TOP3A: variants seen among roughly 807,000 people sequenced by gnomAD.
TOP3A encodes DNA topoisomerase III alpha.
TOP3A carries 64 observed loss-of-function variants against 111.3 expected under a neutral mutation model. The ratio of observed to expected loss-of-function variants is 0.57; its 90% confidence interval spans 0.47 to 0.71. TOP3A has a LOEUF of 0.71. Among genes scored for constraint, TOP3A ranks in the 30% least tolerant of loss-of-function variants. The pLI, the probability that TOP3A is intolerant of heterozygous loss-of-function variation, is 0.00. For missense variants in TOP3A, 1,104 were observed against 1,285.0 expected, an observed-to-expected ratio of 0.86 and a Z score of 2.15; for synonymous variants, 484 against 485.1, an observed-to-expected ratio of 1.00 and a Z score of 0.03.
chr17:18,304,970 C>A, intron 5 of TOP3A, 142 bp downstream of exon 5: 1 of 721,976 alleles, frequency 1.4e-6, no homozygotes, highest in South Asian at 1.5e-5. Context: ...TGCTCCAGGA[C>A]ACATGGCTGG....
rs144604278 is a variant in TOP3A at position 18,291,084 on chromosome 17, G to C, written c.1282-57C>G. ...CTAGAATATCACCTCTCAAGGACAG[G>C]AGCATCACTGGTAGCCTTAGCCTAA... is the stretch of plus-strand genomic sequence containing the variant. On this transcript the variant is annotated intron_variant, in intron 11 of 18. Transcript: ENST00000321105. 234 of 1,554,960 alleles carry C rather than the reference G, an allele frequency of 1.5e-4. No homozygotes were observed. In the East Asian group the frequency reaches 5.2e-3, roughly 35 times the overall value.
At chr17:18,287,673 C>CA (rs1168415155) in intron 13 of TOP3A, among the ~76,000 whole-genome samples, 1 of 151,996 alleles carries the variant, frequency 6.6e-6, no homozygotes, top group Non-Finnish European at 1.5e-5. Flanking sequence ...GCCTGGGTGA[C>CA]AGAGTAAGAT....
At chr17:18,305,518 A>C (rs1981524646) in intron 4 of TOP3A, among the ~76,000 whole-genome samples, 1 of 151,846 alleles carries the variant, frequency 6.6e-6, no homozygotes. Flanking sequence ...GCACACTTCG[A>C]GAGGTTCTGA....
At chr17:18,304,009 G>A (rs1156931433) in intron 5 of TOP3A, among the ~76,000 whole-genome samples, 1 of 152,128 alleles carries the variant, frequency 6.6e-6, no homozygotes, top group East Asian at 1.9e-4. Flanking sequence ...CTGTCACCCA[G>A]GCTGGAGTGC....
intron 10 of TOP3A, among the ~76,000 whole-genome samples, chr17:18,294,164 T>C (rs1980649993): frequency 6.6e-6 from 1 of 152,142 alleles, no homozygotes; most frequent in African/African-American, 2.4e-5. Context: ...CACAGGGAGA[T>C]GGCTGAGGAG....
In TOP3A at chr17:18,278,111, C is replaced by G; in HGVS notation, c.2391G>C (p.Gln797His). Residue 797 changes from glutamine (Q) to histidine (H), a missense_variant, in exon 18 of 19, where the codon CAG (glutamine) becomes CAC (histidine). By Grantham distance (24) the Gln-to-His change is conservative. Transcript: ENST00000321105. ...CAGCAGCCGTGGGTGGTGGGAGGGTCTGGGCCAGAGCCTTTGAGGACCCAG... is the reference window on the plus strand; with the variant it reads ...CAGCAGCCGTGGGTGGTGGGAGGGTGTGGGCCAGAGCCTTTGAGGACCCAG... ...RQTGSSKALA[Q>H]TLPPPTAAGE... 2 of 1,614,214 alleles carry G rather than the reference C, an allele frequency of 1.2e-6. No individual in the cohort carries two copies. The highest frequency in any genetic ancestry group is 4.5e-5 in the East Asian group (2 of 44,882).
intron 1 of TOP3A, 61 bp from the exon 2 acceptor site, chr17:18,309,002 TA>T (rs1383495191): frequency 2.2e-6 from 2 of 925,564 alleles, no homozygotes; most frequent in African/African-American, 1.7e-5. Flanking sequence ...TTCCTTTGTA[TA>T]ATTCTTTCTG....
intron 1 of TOP3A, among the ~76,000 whole-genome samples, chr17:18,311,381 C>T (rs1981902125): frequency 6.6e-6 from 1 of 152,158 alleles, no homozygotes. Context: ...GCAAGCTCCA[C>T]TTCCCGGGTT....
Position 18,302,384 on chromosome 17 carries a change from C to G in TOP3A, c.694G>C (p.Glu232Gln). The G allele has an allele frequency of 1.2e-6, 2 of 1,613,336 alleles. No homozygotes were observed. The highest frequency in any genetic ancestry group is 1.7e-6 in the Non-Finnish European group (2 of 1,179,996). Residue 232 changes from glutamate (E) to glutamine (Q), a missense_variant, in exon 7 of 19, where the codon GAG becomes CAG. Glu to Gln is a conservative substitution (Grantham distance 29, BLOSUM62 2). Coordinates refer to ENST00000321105, the MANE Select transcript of TOP3A (RefSeq NM_004618.5). ...QTLRLQRIFP[E>Q]VLAEQLISYG... is the part of the protein sequence containing the mutation. ...CTGATGAGCTGCTCTGCCAGCACCT[C>G]AGGAAAAATCCTCTGAAGCCGCAGG...
chr17:18,305,485 C>A (rs866431142), intron 4 of TOP3A, among the ~76,000 whole-genome samples: 3 of 147,858 alleles, frequency 2.0e-5, no homozygotes, highest in East Asian at 2.0e-4. Flanking sequence ...AACACACACA[C>A]ACGCGCGCGC....
chr17:18,314,714 G>C lies in TOP3A; in HGVS notation c.65C>G (p.Ser22Cys). 2 of 1,603,968 alleles carry C rather than the reference G, an allele frequency of 1.2e-6. No individual in the cohort carries two copies. The highest frequency in any genetic ancestry group is 1.7e-6 in the Non-Finnish European group (2 of 1,175,644). Reference sequence around the variant, plus strand: ...GAGGGCCATCTCCATGGCGGCGCGGGAAAAGGCACGGTCTTCGGGCCGTCG... The same window carrying C: ...GAGGGCCATCTCCATGGCGGCGCGGCAAAAGGCACGGTCTTCGGGCCGTCG... ...WLRRPEDRAF[S>C]RAAMEMALRG... Residue 22 changes from serine to cysteine, a missense_variant, in exon 1 of 19, where the codon TCC (serine) becomes TGC (cysteine). Ser to Cys is a moderately radical substitution (Grantham distance 112, BLOSUM62 -1). Transcript: ENST00000321105.
chr17:18,313,793 GAA>G (rs1302081818), intron 1 of TOP3A, among the ~76,000 whole-genome samples: 2 of 152,140 alleles, frequency 1.3e-5, no homozygotes, highest in African/African-American at 4.8e-5. Flanking sequence ...CCTTGATCTG[GAA>G]ACAGGTCTTA....
chr17:18,290,375 A>T (rs575193927), intron 13 of TOP3A, among the ~76,000 whole-genome samples, 182 bp downstream of exon 13: 3 of 152,344 alleles, frequency 2.0e-5, no homozygotes, highest in African/African-American at 7.2e-5. Context: ...CCAGGTTTTA[A>T]TAATACACAC....
intron 5 of TOP3A, among the ~76,000 whole-genome samples, chr17:18,304,261 G>C (rs1981422962): frequency 6.6e-6 from 1 of 152,064 alleles, no homozygotes; most frequent in South Asian, 2.1e-4. Context: ...CACCGTGCCT[G>C]GCTGCCTTTT....
rs757264233 is a variant in TOP3A at position 18,302,337 on chromosome 17, G to A, written c.741C>T (p.Pro247=). Residue 247 remains proline, a synonymous_variant, in exon 7 of 19, where the codon CCC becomes CCT. Coordinates refer to ENST00000321105, the MANE Select transcript of TOP3A (RefSeq NM_004618.5). ...QLISYGSCQF[P]TLGFVVERFK... ...ACCGCTCCACCACAAAGCCCAGTGT[G>A]GGGAACTGGCAGCTGCCGTAACTGA... 6 of 1,613,194 alleles carry A rather than the reference G, an allele frequency of 3.7e-6. No individual in the cohort carries two copies. In the Admixed American group the frequency reaches 5.0e-5, roughly 13 times the overall value.
chr17:18,292,738 A>C lies in TOP3A; in HGVS notation c.1188T>G (p.Ile396Met), dbSNP rs1209191069. Residue 396 changes from isoleucine to methionine, a missense_variant, in exon 11 of 19, where the codon ATT becomes ATG. Ile to Met is a conservative substitution (Grantham distance 10). Transcript: ENST00000321105. ...GTGGGGTGGGACCACCCCGCTCTAG[A>C]ATGCTCTGGGCAAAGGCCCCCCAGC... The part of the protein sequence containing the change: ...DPRWGAFAQS[I>M]LERGGPTPRN... The C allele has an allele frequency of 6.2e-7, 1 of 1,613,194 alleles. No homozygotes were observed. Among genetic ancestry groups the C allele is most frequent in the Non-Finnish European group, 8.5e-7 (1 of 1,179,460 alleles).
In TOP3A at chr17:18,271,967, G is replaced by A. The variant is rs139001199; in HGVS notation, c.*2835C>T. ...TGTAATTCCAGCTACTTGGGAGGCT[G>A]AGGCAGGAGAACTGCTTGAACCCAG... On this transcript the variant is annotated 3_prime_UTR_variant, in exon 19 of 19. Transcript: ENST00000321105. The A allele has an allele frequency of 2.0e-3, 561 of 278,244 alleles. 10 individuals carry two copies. In the Admixed American group the frequency reaches 0.025, roughly 13 times the overall value. 17.2% of individuals were successfully genotyped at this position (278,244 alleles called of 1,614,324 possible).
chr17:18,289,487 TTGG>T (rs1980333259), intron 13 of TOP3A, among the ~76,000 whole-genome samples: 2 of 152,136 alleles, frequency 1.3e-5, no homozygotes, highest in Admixed American at 1.3e-4. Context: ...GTTGGTCAGG[TTGG>T]TGGTCTTAAA....
In TOP3A at chr17:18,308,956, T is replaced by C; in HGVS notation, c.181-15A>G. ...AGTCCTTCTCTCTATAAAACAAAAA[T>C]AAGTAAAAAATATAAATTACGTTTA... is the stretch of plus-strand genomic sequence containing the variant. On this transcript the variant is annotated splice_polypyrimidine_tract_variant and intron_variant, in intron 1 of 18. Coordinates refer to ENST00000321105, the MANE Select transcript of TOP3A (RefSeq NM_004618.5). 2.2e-6 allele frequency: 3 copies of C among 1,350,206 alleles called. No homozygotes were observed. In the South Asian group the frequency reaches 4.2e-5, roughly 19 times the overall value. The allele number at this position is 1,350,206 out of a possible 1,614,324, so 83.6% of individuals were successfully genotyped here. A position where few individuals can be genotyped will look rare whatever the true frequency, so the allele number is the denominator to read the frequency against.
Sources: allele counts gnomAD v4.1 joint callset (sites outside exome capture counted in the v4.1 genomes callset), GRCh38; gene constraint gnomAD v4.1.1; transcripts MANE v1.5; gene names NCBI Gene and HGNC (gene_info 2026-07-23, HGNC 2026-07-21).